KANK1: variants seen among roughly 807,000 people sequenced by gnomAD.
KANK1 encodes the protein KN motif and ankyrin repeat domains 1, also known as KN motif and ankyrin repeat domain-containing protein 1.
Under a neutral mutation model 106.2 loss-of-function variants are expected in KANK1, and 109 were observed. The ratio of observed to expected loss-of-function variants is 1.03; its 90% CI spans 0.88 to 1.20. The LOEUF is 1.20. Among genes scored for constraint, KANK1 ranks in the 50% most tolerant of loss-of-function variants. The pLI, the probability that KANK1 is intolerant of heterozygous loss-of-function variation, is 0.00. For missense variants in KANK1, 2,399 were observed against 1,710.7 expected (o/e 1.40, Z -7.10); for synonymous variants, 873 against 652.2 (o/e 1.34, Z -5.16).
chr9:678,288 A>G (rs1412046995), intron 2 of KANK1, among the ~76,000 whole-genome samples: 1 of 152,212 alleles, frequency 6.6e-6, no homozygotes, highest in African/African-American at 2.4e-5. Flanking sequence ...TTGAACACTT[A>G]AATGCACCAT....
intron 1 of KANK1, among the ~76,000 whole-genome samples, chr9:585,287 G>A (rs1238527105): frequency 6.6e-6 from 1 of 152,176 alleles, no homozygotes; most frequent in Admixed American, 6.5e-5. Flanking sequence ...GCCATTGAGA[G>A]TTTGGTCTTA....
rs777172353 is a variant in KANK1 at position 713,379 on chromosome 9, G to A, written c.2613G>A (p.Ser871=). ...SLNSQLISTL[S]SINSVMKSAS... ...ACTCTCAGCTCATCAGCACCCTGTC[G>A]TCTATCAACTCTGTCATGAAATCTG... Residue 871 remains serine, a synonymous_variant, in exon 3 of 12, where the codon TCG becomes TCA. Transcript: ENST00000382297. 2.2e-5 allele frequency: 35 copies of A among 1,613,888 alleles called. No homozygotes were observed. Among genetic ancestry groups the A allele is most frequent in the Non-Finnish European group, 2.6e-5 (31 of 1,179,990 alleles).
intron 1 of KANK1, among the ~76,000 whole-genome samples, chr9:541,859 G>T (rs1023560857): frequency 1.3e-5 from 2 of 152,120 alleles, no homozygotes; most frequent in Non-Finnish European, 2.9e-5. Context: ...GGAGGTCGAG[G>T]CGGGCGGATC....
intron 1 of KANK1, chr9:539,467 T>A (rs2060471975): frequency 6.6e-6 from 1 of 152,196 alleles, no homozygotes; most frequent in South Asian, 2.1e-4. Flanking sequence ...TTCACCTCCT[T>A]GGTTAAATTT....
chr9:687,775 TTTATTCTGTTA>T (rs1477319111), intron 2 of KANK1, among the ~76,000 whole-genome samples: 1 of 152,220 alleles, frequency 6.6e-6, no homozygotes, highest in African/African-American at 2.4e-5. Flanking sequence ...CTTTATTCCT[TTTATTCTGTTA>T]TTATTCTATT....
chr9:507,524 G>C (rs1199459704), intron 1 of KANK1, among the ~76,000 whole-genome samples: 1 of 151,620 alleles, frequency 6.6e-6, no homozygotes, highest in Non-Finnish European at 1.5e-5. Context: ...CAAGTAGCTG[G>C]GATTACAGGC....
At chr9:680,621 C>G (rs371403994) in intron 2 of KANK1, among the ~76,000 whole-genome samples, 8 of 152,224 alleles carry the variant, frequency 5.3e-5, no homozygotes, top group African/African-American at 1.9e-4. Context: ...AGCAGTGAAC[C>G]AAAGAGGCAA....
chr9:559,456 A>G (rs1218748691), intron 1 of KANK1, among the ~76,000 whole-genome samples: 1 of 152,116 alleles, frequency 6.6e-6, no homozygotes, highest in African/African-American at 2.4e-5. Flanking sequence ...TGGTGACTGA[A>G]TATGTGGTAC....
chr9:548,133 ATTCC>A (rs1159338497), intron 1 of KANK1, among the ~76,000 whole-genome samples: 1 of 152,216 alleles, frequency 6.6e-6, no homozygotes, highest in African/African-American at 2.4e-5. Context: ...GTACTAAAAA[ATTCC>A]TTAGGATTTC....
chr9:729,504 T>C (rs1831635731), intron 3 of KANK1, among the ~76,000 whole-genome samples: 1 of 152,238 alleles, frequency 6.6e-6, no homozygotes. Context: ...CGCATCTCTA[T>C]ACAGCGAGTC....
intron 1 of KANK1, among the ~76,000 whole-genome samples, chr9:593,690 G>A (rs999828356): frequency 6.6e-6 from 1 of 151,780 alleles, no homozygotes; most frequent in African/African-American, 2.4e-5. Context: ...AGCACCTTCA[G>A]AAACATGGTA....
chr9:682,462 T>G (rs1345551042), intron 2 of KANK1, among the ~76,000 whole-genome samples: 4 of 152,194 alleles, frequency 2.6e-5, no homozygotes, highest in African/African-American at 4.8e-5. Flanking sequence ...ATATCAGCTC[T>G]TGACTTTAAC....
At chr9:696,758 G>A in intron 2 of KANK1, among the ~76,000 whole-genome samples, 1 of 152,058 alleles carries the variant, frequency 6.6e-6, no homozygotes, top group Non-Finnish European at 1.5e-5. Flanking sequence ...TTGAGAAGTT[G>A]TAGACGTTTC....
intron 2 of KANK1, among the ~76,000 whole-genome samples, chr9:682,718 G>A (rs1817814245): frequency 6.6e-6 from 1 of 152,088 alleles, no homozygotes; most frequent in African/African-American, 2.4e-5. Context: ...TGGGTTAAAG[G>A]GCACAATGTT....
Position 519,519 on chromosome 9 carries a change from T to A in KANK1, c.-84+14765T>A, listed in dbSNP as rs117200309. 2.4e-4 allele frequency among the ~76,000 whole-genome samples: 36 copies of A among 151,992 alleles called. 1 individual carries two copies. In the East Asian group the frequency reaches 6.9e-3, roughly 29 times the overall value. ...TTAAGTTCTTTTTTAAGCAATCATT[T>A]GTGAAACTATTCACATCCTCAGATC... On this transcript the variant is annotated intron_variant, in intron 1 of 11. Transcript: ENST00000382297.
intron 1 of KANK1, among the ~76,000 whole-genome samples, chr9:564,551 A>C (rs887181126): frequency 3.3e-5 from 5 of 152,216 alleles, no homozygotes; most frequent in African/African-American, 1.2e-4. Flanking sequence ...ACATAGTTGC[A>C]ATGTTGAGAG....
At chr9:656,980 G>A (rs1255073864) in intron 1 of KANK1, among the ~76,000 whole-genome samples, 3 of 152,116 alleles carry the variant, frequency 2.0e-5, no homozygotes, top group African/African-American at 7.2e-5. Flanking sequence ...TGCCATGACA[G>A]ATCTCTAGAA....
chr9:564,549 G>A (rs1294584808), intron 1 of KANK1, among the ~76,000 whole-genome samples: 1 of 152,192 alleles, frequency 6.6e-6, no homozygotes, highest in Non-Finnish European at 1.5e-5. Context: ...ATACATAGTT[G>A]CAATGTTGAG....
At chr9:532,849 T>C (rs930083022) in intron 1 of KANK1, among the ~76,000 whole-genome samples, 9 of 152,208 alleles carry the variant, frequency 5.9e-5, no homozygotes, top group African/African-American at 2.2e-4. Flanking sequence ...ACCTTGTTTT[T>C]CTTATCTCTT....
Sources: gnomAD v4.1 joint callset for allele counts (sites outside exome capture counted in the v4.1 genomes callset) on GRCh38, gnomAD v4.1.1 for gene constraint, MANE v1.5 for transcripts, NCBI Gene and HGNC (gene_info 2026-07-23, HGNC 2026-07-21) for gene names.